The following CAMSAP2 variants were observed in gnomAD, a reference collection of about 807,000 sequenced individuals.
CAMSAP2 encodes calmodulin-regulated spectrin-associated protein 2.
CAMSAP2 carries 26 observed loss-of-function variants against 146.1 expected under a neutral mutation model. The ratio of observed to expected loss-of-function variants is 0.18; its 90% confidence interval spans 0.13 to 0.25. The LOEUF (loss-of-function observed/expected upper bound fraction) is 0.25, where lower values mean the gene tolerates loss of function less well. Among genes scored for constraint, CAMSAP2 ranks in the 10% least tolerant of loss-of-function variants. The pLI is 1.00. For missense variants in CAMSAP2, 1,381 were observed against 1,759.3 expected (o/e 0.78, Z 3.85); for synonymous variants, 499 against 596.6 (o/e 0.84, Z 2.38).
chr1:200,817,189 CATGTGTGTGTGTAT>C (rs1666604867), intron 4 of CAMSAP2, among the ~76,000 whole-genome samples: 4 of 112,048 alleles, frequency 3.6e-5, no homozygotes, highest in African/African-American at 1.4e-4. Context: ...CACACACACA[CATGTGTGTGTGTAT>C]ACACACATAC....
At chr1:200,788,898 C>T (rs1190716018) in intron 2 of CAMSAP2, among the ~76,000 whole-genome samples, 1 of 151,830 alleles carries the variant, frequency 6.6e-6, no homozygotes, top group Non-Finnish European at 1.5e-5. Context: ...GTGATCCGCC[C>T]ACCTCAGCCT....
chr1:200,856,130 G>A lies in CAMSAP2; in HGVS notation c.4012+5G>A, dbSNP rs370147947. On this transcript the variant is annotated splice_donor_5th_base_variant and intron_variant, in intron 15 of 16. Transcript: ENST00000358823. ...CTTCTGGAACAGAATATACAGGTTA[G>A]TGTCTATACATTTTTAGAGAAACAT... 1.2e-4 allele frequency: 184 copies of A among 1,565,598 alleles called. No individual in the cohort carries two copies. The Middle Eastern group carries it at 2.2e-3, about 19-fold the overall frequency.
chr1:200,806,465 T>C (rs1571775322), intron 2 of CAMSAP2, among the ~76,000 whole-genome samples: 1 of 152,126 alleles, frequency 6.6e-6, no homozygotes, highest in Admixed American at 6.6e-5. Flanking sequence ...ATAACGTTGG[T>C]GGGAGATAAG....
In CAMSAP2 at chr1:200,739,892, T is replaced by C; in HGVS notation, c.65T>C (p.Phe22Ser). Residue 22 changes from phenylalanine (F) to serine (S), a missense_variant, in exon 1 of 17, where the codon TTT becomes TCT. This residue lies in a region of CAMSAP2 where 284 missense variants were observed against 406.9 expected (regional missense o/e 0.70). Coordinates refer to ENST00000358823, the MANE Select transcript of CAMSAP2 (RefSeq NM_203459.4). This position sits in a 1 kb window ranked among gnomAD's most constrained non-coding sequence, Gnocchi z 4.8. ...TTCATTGTTCCAGCCATCAAGCCTT[T>C]TGACCACTATGATTTCTCCAGGGCC... ...KTFIVPAIKP[F>S]DHYDFSRAKI... 3 of 1,614,200 alleles carry C rather than the reference T, an allele frequency of 1.9e-6. No individual in the cohort carries two copies. Among genetic ancestry groups the C allele is most frequent in the Non-Finnish European group, 2.5e-6 (3 of 1,180,040 alleles).
intron 11 of CAMSAP2, among the ~76,000 whole-genome samples, chr1:200,850,991 T>A (rs1174302890): frequency 1.3e-5 from 2 of 152,200 alleles, no homozygotes. Flanking sequence ...TATTTTGTAT[T>A]GTTCTTTAAG....
Position 200,853,427 on chromosome 1 carries a change from A to T in CAMSAP2, c.3755A>T (p.Lys1252Ile). Residue 1252 changes from lysine (K) to isoleucine (I), a missense_variant, in exon 13 of 17, where the codon AAA becomes ATA. Physicochemically the swap from Lys to Ile is moderately radical, Grantham distance 102. Around this residue, in one of 4 missense-constraint regions of CAMSAP2, gnomAD observed 560 missense variants for 715.9 expected, o/e 0.78. Coordinates refer to ENST00000358823, the MANE Select transcript of CAMSAP2 (RefSeq NM_203459.4). The surrounding 1 kb of genome is among the most constrained non-coding windows in gnomAD (Gnocchi z 5.1). ...CGTCCTCAAGTAGTAAAACAAAAAA[A>T]ACAGCGACCAAAATCTATTCACAGA... Reference protein sequence around the residue: ...KPRPQVVKQKKQRPKSIHRDH... With the variant: ...KPRPQVVKQKIQRPKSIHRDH... The T allele has an allele frequency of 6.2e-7, 1 of 1,613,986 alleles. No individual in the cohort carries two copies. Among genetic ancestry groups the T allele is most frequent in the Non-Finnish European group, 8.5e-7 (1 of 1,179,938 alleles).
At chr1:200,804,714 G>T (rs1187526893) in intron 2 of CAMSAP2, among the ~76,000 whole-genome samples, 1 of 152,206 alleles carries the variant, frequency 6.6e-6, no homozygotes, top group Non-Finnish European at 1.5e-5. Flanking sequence ...TAAGAGAAAG[G>T]CTGCAATATT....
intron 6 of CAMSAP2, among the ~76,000 whole-genome samples, chr1:200,835,159 T>C (rs573184554): frequency 1.3e-5 from 2 of 152,256 alleles, no homozygotes; most frequent in East Asian, 3.9e-4. Flanking sequence ...TAGGATTTGT[T>C]TGCAGCTACT....
intron 2 of CAMSAP2, among the ~76,000 whole-genome samples, chr1:200,796,870 G>T: frequency 6.7e-6 from 1 of 148,936 alleles, no homozygotes; most frequent in African/African-American, 2.5e-5. Flanking sequence ...CCCTTCCTGT[G>T]TCCATGTGAT....
chr1:200,800,567 A>G (rs1393180775), intron 2 of CAMSAP2, among the ~76,000 whole-genome samples: 1 of 151,914 alleles, frequency 6.6e-6, no homozygotes, highest in African/African-American at 2.4e-5. Context: ...GTCTTTGCAC[A>G]TGTGATGGGT....
chr1:200,739,851 G>T lies in CAMSAP2; in HGVS notation c.24G>T (p.Arg8Ser). 1 of 1,614,160 alleles carries T rather than the reference G, an allele frequency of 6.2e-7. No individual in the cohort carries two copies. Among genetic ancestry groups the T allele is most frequent in the Non-Finnish European group, 8.5e-7 (1 of 1,180,016 alleles). Reference sequence around the variant, plus strand: ...AGATGGGGGATGCTGCAGACCCCAGGGAGATGAGAAAGACGTTCATTGTTC... The same window carrying T: ...AGATGGGGGATGCTGCAGACCCCAGTGAGATGAGAAAGACGTTCATTGTTC... MGDAADP[R>S]EMRKTFIVPA... The change falls in exon 1 of 17, where the codon AGG becomes AGT. Residue 8 changes from arginine to serine, a missense_variant. This residue lies in a region of CAMSAP2 where 284 missense variants were observed against 406.9 expected (regional missense o/e 0.70). Transcript: ENST00000358823. This position sits in a 1 kb window ranked among gnomAD's most constrained non-coding sequence, Gnocchi z 4.8.
Position 200,829,956 on chromosome 1 carries a change from TAAAA to T in CAMSAP2, c.646-2243_646-2240del, listed in dbSNP as rs1667000540. On this transcript the variant is annotated intron_variant, in intron 4 of 16. Transcript: ENST00000358823. The stretch of plus-strand genomic sequence containing the variant: ...AAAAATAATAATAATAAAATAAAAA[TAAAA>T]CAAACAACAAAAAAAAGGAGAAGAA... Among the ~76,000 whole-genome samples the T allele has an allele frequency of 2.0e-5, 3 of 151,332 alleles. No individual in the cohort carries two copies. The East Asian group carries it at 5.8e-4, about 29-fold the overall frequency.
At chr1:200,746,699 A>G (rs1021901733) in intron 1 of CAMSAP2, among the ~76,000 whole-genome samples, 1 of 151,124 alleles carries the variant, frequency 6.6e-6, no homozygotes, top group Admixed American at 6.6e-5. Context: ...GCTCACTGCA[A>G]GCTCCGCCTC....
intron 2 of CAMSAP2, among the ~76,000 whole-genome samples, chr1:200,796,619 T>C (rs1330548439): frequency 4.6e-5 from 7 of 152,178 alleles, no homozygotes; most frequent in African/African-American, 1.7e-4. Context: ...TCTGTTTATC[T>C]TTAATTTCTT....
At position 200,857,669 on chromosome 1, in the gene CAMSAP2, C is replaced by A; in HGVS notation, c.4132-85C>A. On this transcript the variant is annotated intron_variant, in intron 16 of 16. Transcript: ENST00000358823. This position sits in a 1 kb window ranked among gnomAD's most constrained non-coding sequence, Gnocchi z 4.7. ...AATGTTATAAAATGTGACTAAGAAA[C>A]GTAACATAATTATATAAACTTTATT... 1 of 1,173,004 alleles carries A rather than the reference C, an allele frequency of 8.5e-7. No homozygotes were observed. The highest frequency in any genetic ancestry group is 1.2e-6 in the Non-Finnish European group (1 of 836,292). 72.7% of individuals were successfully genotyped at this position (1,173,004 alleles called of 1,614,324 possible).
In CAMSAP2 at chr1:200,859,609, A is replaced by AT. The variant is rs1329308233; in HGVS notation, c.*1557dup. 3.3e-5 allele frequency: 5 copies of AT among 152,188 alleles called. No homozygotes were observed. Among genetic ancestry groups the AT allele is most frequent in the Admixed American group, 2.6e-4 (4 of 15,254 alleles). The allele number at this position is 152,188 out of a possible 1,614,324, so 9.4% of individuals were successfully genotyped here. The stretch of plus-strand genomic sequence containing the variant: ...TTAAAACTGTAAAAAAATTTCACAG[A>AT]TTTTTTTCCAATACCTGTGCAAGAT... On this transcript the variant is annotated 3_prime_UTR_variant, in exon 17 of 17. Coordinates refer to ENST00000358823, the MANE Select transcript of CAMSAP2 (RefSeq NM_203459.4).
chr1:200,827,399 AATTTCTG>A (rs1666931830), intron 4 of CAMSAP2, among the ~76,000 whole-genome samples: 1 of 152,172 alleles, frequency 6.6e-6, no homozygotes, highest in Non-Finnish European at 1.5e-5. Context: ...TTGTTTTTAA[AATTTCTG>A]TTACAAATTG....
At position 200,852,695 on chromosome 1, in the gene CAMSAP2, C is replaced by A. The variant is rs746363887; in HGVS notation, c.3602+18C>A. The stretch of plus-strand genomic sequence containing the variant: ...GAAACAAGGTAAAGGAAATTGCTGG[C>A]CCAGTGCTAGATCTGAACTTTAATG... On this transcript the variant is annotated intron_variant, in intron 12 of 16. Transcript: ENST00000358823. 5 of 1,608,178 alleles carry A rather than the reference C, an allele frequency of 3.1e-6. No homozygotes were observed. Among genetic ancestry groups the A allele is most frequent in the Non-Finnish European group, 4.2e-6 (5 of 1,178,150 alleles).
chr1:200,848,117 C>G lies in CAMSAP2; in HGVS notation c.1348C>G (p.Arg450Gly). 1 of 1,610,244 alleles carries G rather than the reference C, an allele frequency of 6.2e-7. No homozygotes were observed. The highest frequency in any genetic ancestry group is 8.5e-7 in the Non-Finnish European group (1 of 1,177,802). ...ATCCACTCCAAACCGAGGAATCACT[C>G]GTTCTATTAGTAATGAAGGACTTAC... ...QRSTPNRGIT[R>G]SISNEGLTLN... Residue 450 changes from arginine to glycine, a missense_variant, in exon 11 of 17, where the codon CGT (arginine) becomes GGT (glycine). By Grantham distance (125) the Arg-to-Gly change is moderately radical. Coordinates refer to ENST00000358823, the MANE Select transcript of CAMSAP2 (RefSeq NM_203459.4).
Sources: gnomAD v4.1 joint callset for allele counts (sites outside exome capture counted in the v4.1 genomes callset) on GRCh38, gnomAD v4.1.1 for gene constraint, gnomAD v4.1.1 regional missense constraint, Gnocchi (gnomAD v3.1) non-coding constraint, MANE v1.5 for transcripts, NCBI Gene and HGNC (gene_info 2026-07-23, HGNC 2026-07-21) for gene names.